Variants in RASAL1 observed in about 807,000 individuals in gnomAD.
RASAL1 encodes RAS protein activator like 1.
RASAL1 carries 72 observed loss-of-function variants against 96.6 expected under a neutral mutation model. That is an observed-to-expected ratio of 0.75 (90% CI 0.62 to 0.91). The LOEUF (loss-of-function observed/expected upper bound fraction) is 0.91, where lower values mean the gene tolerates loss of function less well. Among genes scored for constraint, RASAL1 ranks in the 40% least tolerant of loss-of-function variants. The pLI is 0.00. For missense variants in RASAL1, 1,016 were observed against 1,072.5 expected (o/e 0.95, Z 0.74); for synonymous variants, 405 against 430.4 (o/e 0.94, Z 0.73).
intron 15 of RASAL1, among the ~76,000 whole-genome samples, chr12:113,106,268 C>T (rs1379648101): frequency 1.3e-5 from 2 of 152,280 alleles, no homozygotes; most frequent in East Asian, 3.9e-4. Flanking sequence ...CCCACCATGC[C>T]ACAGCCAGGT....
chr12:113,133,303 T>C (rs541957677), intron 1 of RASAL1, among the ~76,000 whole-genome samples: 5 of 152,288 alleles, frequency 3.3e-5, no homozygotes, highest in African/African-American at 1.2e-4. Flanking sequence ...CTGACTCAGC[T>C]CAGTCTTGGG....
At chr12:113,101,434 T>A (rs1003460459) in intron 19 of RASAL1, among the ~76,000 whole-genome samples, 11 of 152,058 alleles carry the variant, frequency 7.2e-5, no homozygotes, top group African/African-American at 2.7e-4. Context: ...AATAAATAAA[T>A]TTTTTTAAAA....
In RASAL1 at chr12:113,135,441, T is replaced by TGGC; in HGVS notation, c.21_22insGCC (p.Leu7_Asn8insAla). On this transcript the variant is annotated inframe_insertion, in exon 1 of 21. Transcript: ENST00000548055. The surrounding 1 kb of genome is among the most constrained non-coding windows in gnomAD (Gnocchi z 5.7). Reference sequence around the variant, plus strand: ...GCGCGGCCCTCCACCACGCGAACATTCAGGGAGCTGCTCTTGGCCATGGCG... The same window carrying TGGC: ...GCGCGGCCCTCCACCACGCGAACATTGGCCAGGGAGCTGCTCTTGGCCATGGCG... 1 of 1,609,748 alleles carries TGGC rather than the reference T, an allele frequency of 6.2e-7. No homozygotes were observed. Among genetic ancestry groups the TGGC allele is most frequent in the African/African-American group, 1.3e-5 (1 of 74,948 alleles).
At chr12:113,102,043 C>A in intron 18 of RASAL1, 34 bp from the exon 19 acceptor site, 2 of 1,599,272 alleles carry the variant, frequency 1.3e-6, no homozygotes, top group Non-Finnish European at 1.7e-6. Context: ...TCAGTAACTC[C>A]CTCTCCCCTT....
intron 1 of RASAL1, among the ~76,000 whole-genome samples, chr12:113,132,572 C>G (rs1478295914): frequency 6.6e-6 from 1 of 152,200 alleles, no homozygotes; most frequent in East Asian, 1.9e-4. Flanking sequence ...CCCAGCACCA[C>G]TCCCTTGATC....
rs769443360 is a variant in RASAL1 at position 113,115,820 on chromosome 12, G to A, written c.850-32C>T. 62 of 1,612,348 alleles carry A rather than the reference G, an allele frequency of 3.8e-5. No individual in the cohort carries two copies. Among genetic ancestry groups the A allele is most frequent in the South Asian group, 4.4e-5 (4 of 90,930 alleles). ...GGGGGCGGGAGACAAAGATGACCTC[G>A]GCCCCTGGGACCCCAAAGCAGATGG... On this transcript the variant is annotated intron_variant, in intron 9 of 20. Transcript: ENST00000548055. This position sits in a 1 kb window ranked among gnomAD's most constrained non-coding sequence, Gnocchi z 4.1.
chr12:113,099,865 C>G lies in RASAL1; in HGVS notation c.*64G>C, dbSNP rs1950378449. 6.4e-7 allele frequency: 1 copy of G among 1,553,530 alleles called. No individual in the cohort carries two copies. Among genetic ancestry groups the G allele is most frequent in the Non-Finnish European group, 8.7e-7 (1 of 1,146,580 alleles). On this transcript the variant is annotated 3_prime_UTR_variant, in exon 21 of 21. Transcript: ENST00000548055. ...CCAAGGAGACAGGAGACTCCCGGGGCAGGATGCGCTGAAGAGGGCCCCCTG... is the reference window on the plus strand; with the variant it reads ...CCAAGGAGACAGGAGACTCCCGGGGGAGGATGCGCTGAAGAGGGCCCCCTG...
intron 4 of RASAL1, among the ~76,000 whole-genome samples, chr12:113,123,189 C>T (rs557585292): frequency 1.8e-3 from 269 of 152,202 alleles, no homozygotes; most frequent in Middle Eastern, 3.4e-3. Context: ...AAATCTGATT[C>T]TTTTTAAAAA....
intron 5 of RASAL1, among the ~76,000 whole-genome samples, chr12:113,120,202 C>G (rs908659568): frequency 4.6e-5 from 7 of 152,172 alleles, no homozygotes; most frequent in Admixed American, 4.6e-4. Flanking sequence ...CCCTTCCCAC[C>G]CCTGCTTAGC....
At chr12:113,116,937 T>C (rs144974155) in intron 8 of RASAL1, 136 bp downstream of exon 8, 32 of 650,422 alleles carry the variant, frequency 4.9e-5, no homozygotes, top group African/African-American at 3.7e-4. Context: ...AGACATTCCA[T>C]AGACAGTTGT....
chr12:113,111,038 A>T (rs1950847911), intron 13 of RASAL1, among the ~76,000 whole-genome samples: 1 of 152,174 alleles, frequency 6.6e-6, no homozygotes, highest in Admixed American at 6.5e-5. Flanking sequence ...CCCTTTAGAC[A>T]AGATCTGGGG....
intron 1 of RASAL1, among the ~76,000 whole-genome samples, chr12:113,133,392 C>T (rs1951789400): frequency 6.6e-6 from 1 of 152,112 alleles, no homozygotes; most frequent in Non-Finnish European, 1.5e-5. Flanking sequence ...AGCTGGGTGA[C>T]CTTAGGCAAG....
In RASAL1 at chr12:113,119,162, C is replaced by A. The variant is rs1951192598; in HGVS notation, c.608G>T (p.Trp203Leu). Residue 203 changes from tryptophan to leucine, a missense_variant, in exon 7 of 21, where the codon TGG becomes TTG. Trp to Leu is a moderately conservative substitution (Grantham distance 61, BLOSUM62 -2). Coordinates refer to ENST00000548055, the MANE Select transcript of RASAL1 (RefSeq NM_001301202.2). ...PSPLRVELWD[W>L]DMVGKNDFLG... ...GAAGTCATTCTTGCCCACCATGTCC[C>A]AGTCCCAGAGCTCCACCCGCAGTGG... The A allele has an allele frequency of 6.2e-7, 1 of 1,613,534 alleles. No individual in the cohort carries two copies. Among genetic ancestry groups the A allele is most frequent in the East Asian group, 2.2e-5 (1 of 44,868 alleles).
At chr12:113,111,982 G>A (rs1300376980) in intron 13 of RASAL1, 104 bp downstream of exon 13, 2 of 1,033,032 alleles carry the variant, frequency 1.9e-6, no homozygotes, top group Non-Finnish European at 2.5e-6. Flanking sequence ...GAATGCTCTA[G>A]TGCCGGCAGC....
In RASAL1 at chr12:113,114,812, A is replaced by G; in HGVS notation, c.1169T>C (p.Leu390Pro). Residue 390 changes from leucine (L) to proline (P), a missense_variant, in exon 12 of 21, where the codon CTG (leucine) becomes CCG (proline). Coordinates refer to ENST00000548055, the MANE Select transcript of RASAL1 (RefSeq NM_001301202.2). Reference protein sequence around the residue: ...YMELDPCKMDLGRTRRISFKG... With the variant: ...YMELDPCKMDPGRTRRISFKG... ...AGGCTTTGCTCACCGGGTGCGGCCC[A>G]GGTCCATCTTGCAGGGATCCAGCTC... is the stretch of plus-strand genomic sequence containing the variant. The G allele has an allele frequency of 3.7e-6, 6 of 1,613,910 alleles. No individual in the cohort carries two copies. Among genetic ancestry groups the G allele is most frequent in the Non-Finnish European group, 5.1e-6 (6 of 1,179,776 alleles).
In RASAL1 at chr12:113,099,784, G is replaced by A. The variant is rs961879138; in HGVS notation, c.*145C>T. 3 of 1,204,686 alleles carry A rather than the reference G, an allele frequency of 2.5e-6. No homozygotes were observed. Among genetic ancestry groups the A allele is most frequent in the Non-Finnish European group, 3.5e-6 (3 of 869,376 alleles). 74.6% of individuals were successfully genotyped at this position (1,204,686 alleles called of 1,614,324 possible). A position where few individuals can be genotyped will look rare whatever the true frequency, so the allele number is the denominator to read the frequency against. ...TCCATGCCCTGAGTTCTGGACTCAAGGCACACAGGACTAGGCACGTCTCTG... is the reference window on the plus strand; with the variant it reads ...TCCATGCCCTGAGTTCTGGACTCAAAGCACACAGGACTAGGCACGTCTCTG... On this transcript the variant is annotated 3_prime_UTR_variant, in exon 21 of 21. Transcript: ENST00000548055.
intron 13 of RASAL1, among the ~76,000 whole-genome samples, chr12:113,110,694 G>A (rs969243200): frequency 5.3e-5 from 8 of 152,130 alleles, no homozygotes; most frequent in African/African-American, 1.9e-4. Context: ...CTGAGGCAAG[G>A]GGACTGCTTG....
At chr12:113,101,589 C>G (rs1257268723) in intron 19 of RASAL1, among the ~76,000 whole-genome samples, 2 of 151,472 alleles carry the variant, frequency 1.3e-5, no homozygotes, top group South Asian at 2.1e-4. Context: ...GGGAAGAGAT[C>G]TATCCAAGGT....
rs757514260 is a variant in RASAL1 at position 113,100,027 on chromosome 12, C to T, written c.2320G>A (p.Ala774Thr). ...TCTGCGAGCACCTCCAGCAGGCGGG[C>T]AGTTGCTGCTCTTTGCCGGGCCAGG... ...EVLARQRAAT[A>T]RLLEVLADLD... is the part of the protein sequence containing the mutation. The change falls in exon 21 of 21, where the codon GCC (alanine) becomes ACC (threonine). Residue 774 changes from alanine (A) to threonine (T), a missense_variant. Transcript: ENST00000548055. 2 of 1,613,314 alleles carry T rather than the reference C, an allele frequency of 1.2e-6. No homozygotes were observed. Among genetic ancestry groups the T allele is most frequent in the South Asian group, 1.1e-5 (1 of 90,966 alleles).
Sources: allele counts gnomAD v4.1 joint callset (sites outside exome capture counted in the v4.1 genomes callset), GRCh38; gene constraint gnomAD v4.1.1; non-coding constraint Gnocchi (gnomAD v3.1); transcripts MANE v1.5; gene names NCBI Gene and HGNC (gene_info 2026-07-23, HGNC 2026-07-21).